The following PARL variants were observed in gnomAD, a reference collection of about 807,000 sequenced individuals.
PARL encodes presenilin associated rhomboid like, also known as presenilin-associated rhomboid-like protein, mitochondrial.
PARL carries 44 observed loss-of-function variants against 51.6 expected under a neutral mutation model. The ratio of observed to expected loss-of-function variants is 0.85; its 90% CI spans 0.67 to 1.10. PARL has a LOEUF of 1.10. Ranked by LOEUF, PARL falls within the 50% of genes least tolerant of loss-of-function variation. The probability of loss-of-function intolerance (pLI) is 0.00; values close to 1 mark genes in which losing one functional copy is unlikely to be tolerated. For missense variants in PARL, 441 were observed against 469.5 expected, an observed-to-expected ratio of 0.94 and a Z score of 0.56; for synonymous variants, 172 against 164.0, an observed-to-expected ratio of 1.05 and a Z score of -0.37.
chr3:183,832,618 G>C (rs1008522960), intron 9 of PARL, among the ~76,000 whole-genome samples: 1 of 152,144 alleles, frequency 6.6e-6, no homozygotes, highest in Non-Finnish European at 1.5e-5. Flanking sequence ...ATTTATGTAA[G>C]AAAAGACAGG....
intron 4 of PARL, among the ~76,000 whole-genome samples, chr3:183,860,854 C>T (rs528962854): frequency 1.5e-5 from 2 of 137,258 alleles, no homozygotes; most frequent in East Asian, 2.1e-4. Flanking sequence ...CTCGCTCTGT[C>T]GTCCAGGCTG....
At chr3:183,839,228 GA>G (rs1303092910) in intron 7 of PARL, among the ~76,000 whole-genome samples, 1 of 152,112 alleles carries the variant, frequency 6.6e-6, no homozygotes, top group Non-Finnish European at 1.5e-5. Context: ...TTTTACATAA[GA>G]ATTCTTTTCA....
intron 1 of PARL, among the ~76,000 whole-genome samples, chr3:183,873,879 T>C (rs914211862): frequency 2.0e-5 from 3 of 152,104 alleles, no homozygotes; most frequent in African/African-American, 7.2e-5. Flanking sequence ...CTGAGGACAT[T>C]AAGAGTACAT....
chr3:183,866,280 T>TTACTGTGAAGAATCAA (rs1732465345), intron 3 of PARL, among the ~76,000 whole-genome samples: 2 of 152,222 alleles, frequency 1.3e-5, no homozygotes, highest in African/African-American at 2.4e-5. Context: ...TAATCAATAC[T>TTACTGTGAAGAATCAA]TACTGTGAAG....
rs1729674588 is a variant in PARL, at chr3:183,844,179, T to C, written c.607+52A>G. ...CAGCACTTCCATTAACTAAAGCATATTTCTTTCATATTATTTCTACCTTAA... is the reference window on the plus strand; with the variant it reads ...CAGCACTTCCATTAACTAAAGCATACTTCTTTCATATTATTTCTACCTTAA... On this transcript the variant is annotated intron_variant, in intron 5 of 9. Coordinates refer to ENST00000317096, the MANE Select transcript of PARL (RefSeq NM_018622.7). 8.1e-6 allele frequency: 10 copies of C among 1,227,144 alleles called. No homozygotes were observed. In the South Asian group the frequency reaches 9.6e-5, roughly 12 times the overall value. 76.0% of individuals were successfully genotyped at this position (1,227,144 alleles called of 1,614,324 possible).
At chr3:183,879,228 G>T (rs1394268692) in intron 1 of PARL, among the ~76,000 whole-genome samples, 2 of 152,172 alleles carry the variant, frequency 1.3e-5, no homozygotes, top group African/African-American at 2.4e-5. Context: ...CCCACGATTG[G>T]CTTAAGCCAA....
At chr3:183,884,388 C>T (rs1734879049) in intron 1 of PARL, among the ~76,000 whole-genome samples, 1 of 152,194 alleles carries the variant, frequency 6.6e-6, no homozygotes, top group Non-Finnish European at 1.5e-5. Flanking sequence ...ATTCTGCCAG[C>T]TGTACTAACT....
Position 183,884,847 on chromosome 3 carries a change from C to T in PARL, c.-1G>A, listed in dbSNP as rs201012871. ...TCTGCGCCCAGCCTCGCCACGCCAT[C>T]TTCCCAACCTCTGCCCCACCATGGC... On this transcript the variant is annotated 5_prime_UTR_variant, in exon 1 of 10. Transcript: ENST00000317096. The T allele has an allele frequency of 1.3e-6, 2 of 1,597,144 alleles. No homozygotes were observed. The highest frequency in any genetic ancestry group is 1.7e-6 in the Non-Finnish European group (2 of 1,179,412).
At chr3:183,829,945 T>TAC (rs1188497724) in intron 9 of PARL, among the ~76,000 whole-genome samples, 2 of 152,206 alleles carry the variant, frequency 1.3e-5, no homozygotes, top group Non-Finnish European at 2.9e-5. Context: ...TCACATATAC[T>TAC]ACTTTTGATT....
In PARL at chr3:183,872,883, G is replaced by C. The variant is rs546277551; in HGVS notation, c.126-4823C>G. ...AGTCATCTCAAATGCCAAGAGAAAG[G>C]CCAAGGGATTCAGACACTAACCTTG... On this transcript the variant is annotated intron_variant, in intron 1 of 9. Coordinates refer to ENST00000317096, the MANE Select transcript of PARL (RefSeq NM_018622.7). Among the ~76,000 whole-genome samples, 9 of 152,270 alleles carry C rather than the reference G, an allele frequency of 5.9e-5. No individual in the cohort carries two copies. The East Asian group carries it at 1.5e-3, about 26-fold the overall frequency.
chr3:183,873,374 C>T (rs570520287), intron 1 of PARL, among the ~76,000 whole-genome samples: 73 of 151,902 alleles, frequency 4.8e-4, no homozygotes, highest in African/African-American at 1.6e-3. Context: ...GGCGTGGTGG[C>T]GCACGCCTGT....
intron 1 of PARL, among the ~76,000 whole-genome samples, chr3:183,881,210 C>T (rs1370018892): frequency 6.6e-6 from 1 of 151,830 alleles, no homozygotes; most frequent in Non-Finnish European, 1.5e-5. Flanking sequence ...CAACCTCTGC[C>T]TCCTGGGTTC....
chr3:183,852,924 C>T (rs1282011114), intron 4 of PARL, among the ~76,000 whole-genome samples: 1 of 152,064 alleles, frequency 6.6e-6, no homozygotes, highest in East Asian at 1.9e-4. Flanking sequence ...ACTGGATACC[C>T]ACATGCAAAA....
At chr3:183,827,420 C>CGAGAGA (rs60941610), downstream of PARL, among the ~76,000 whole-genome samples, 958 of 149,972 alleles carry the variant, frequency 6.4e-3, 8 homozygotes, top group Middle Eastern at 0.014. Flanking sequence ...CCAGCCTGGA[C>CGAGAGA]GAGAGAGAGA....
At chr3:183,881,661 C>T (rs752116503) in intron 1 of PARL, among the ~76,000 whole-genome samples, 5 of 152,230 alleles carry the variant, frequency 3.3e-5, no homozygotes, top group East Asian at 1.9e-4. Flanking sequence ...GGCAGGCTGA[C>T]GCAGGGGGAT....
chr3:183,852,102 A>AGCCATGTTCATACAACTGCACTC (rs1730611899), intron 4 of PARL, among the ~76,000 whole-genome samples: 2 of 152,150 alleles, frequency 1.3e-5, no homozygotes, highest in Non-Finnish European at 2.9e-5. Flanking sequence ...GGTTGTAGTG[A>AGCCATGTTCATACAACTGCACTC]GCCATGTTCA....
intron 3 of PARL, 149 bp from the exon 4 acceptor site, chr3:183,862,950 T>G: frequency 1.4e-6 from 1 of 713,444 alleles, no homozygotes; most frequent in Non-Finnish European, 2.5e-6. Flanking sequence ...CGTGGTAGAG[T>G]GGAAAAGGCA....
intron 4 of PARL, among the ~76,000 whole-genome samples, chr3:183,847,509 A>C (rs1730094123): frequency 6.6e-6 from 1 of 152,100 alleles, no homozygotes; most frequent in South Asian, 2.1e-4. Flanking sequence ...GTCTGCAGTG[A>C]GCCAAAATTG....
At chr3:183,845,463 TAAATA>T (rs1185541812) in intron 4 of PARL, among the ~76,000 whole-genome samples, 4 of 152,230 alleles carry the variant, frequency 2.6e-5, no homozygotes, top group African/African-American at 9.6e-5. Flanking sequence ...CGTAGTACAT[TAAATA>T]AAATTTTACT....
Sources: allele counts gnomAD v4.1 joint callset (sites outside exome capture counted in the v4.1 genomes callset), GRCh38; gene constraint gnomAD v4.1.1; transcripts MANE v1.5; gene names NCBI Gene and HGNC (gene_info 2026-07-23, HGNC 2026-07-21).